The following PAX3 variants were observed in gnomAD, a reference collection of about 807,000 sequenced individuals.
PAX3 encodes the protein paired box 3.
PAX3 carries 14 observed loss-of-function variants against 51.6 expected under a neutral mutation model. That is an observed-to-expected ratio of 0.27 (90% CI 0.18 to 0.42). The LOEUF (loss-of-function observed/expected upper bound fraction) is 0.42. Among genes scored for constraint, PAX3 ranks in the 10% least tolerant of loss-of-function variants. PAX3 has a pLI of 1.00. For synonymous variants in PAX3, 280 were observed against 253.4 expected (o/e 1.11, Z -1.00); for missense variants, 540 against 642.8 (o/e 0.84, Z 1.73).
chr2:222,255,914 C>T (rs891323528), intron 4 of PAX3, among the ~76,000 whole-genome samples: 1 of 92,202 alleles, frequency 1.1e-5, no homozygotes, highest in African/African-American at 4.7e-5. Context: ...CTACGCCCAG[C>T]TAATTTTTTT....
intron 4 of PAX3, among the ~76,000 whole-genome samples, chr2:222,241,540 G>A (rs1265389520): frequency 6.6e-6 from 1 of 152,216 alleles, no homozygotes; most frequent in Non-Finnish European, 1.5e-5. Flanking sequence ...TGGCCCATCT[G>A]TGCTTAACAT....
intron 4 of PAX3, among the ~76,000 whole-genome samples, chr2:222,238,173 A>G (rs78902746): frequency 0.024 from 3,618 of 152,302 alleles, 132 homozygotes; most frequent in African/African-American, 0.077. Context: ...CTTCCTTCAG[A>G]GACAAATCAA....
chr2:222,282,622 A>G (rs977240179), intron 4 of PAX3, among the ~76,000 whole-genome samples: 8 of 152,322 alleles, frequency 5.3e-5, no homozygotes, highest in South Asian at 4.1e-4. Flanking sequence ...AATAATTATA[A>G]TAAGTTGCCT....
At chr2:222,284,502 A>G (rs1052177686) in intron 4 of PAX3, among the ~76,000 whole-genome samples, 78 of 152,310 alleles carry the variant, frequency 5.1e-4, no homozygotes, top group Non-Finnish European at 2.9e-5. Context: ...TTAGAATTTT[A>G]TTTTTTATAC....
At position 222,201,289 on chromosome 2, in the gene PAX3, C is replaced by A; in HGVS notation, c.*119G>T. On this transcript the variant is annotated 3_prime_UTR_variant, in exon 9 of 9. Coordinates refer to ENST00000392070, the MANE Select transcript of PAX3 (RefSeq NM_181458.4). Reference sequence around the variant, plus strand: ...ACTCTCCTTTGTCTCCTATTGGGACCACTGCCCCACCCCCCCCAACAAAAG... The same window carrying A: ...ACTCTCCTTTGTCTCCTATTGGGACAACTGCCCCACCCCCCCCAACAAAAG... 6.2e-7 allele frequency: 1 copy of A among 1,610,274 alleles called. No individual in the cohort carries two copies. The highest frequency in any genetic ancestry group is 8.5e-7 in the Non-Finnish European group (1 of 1,179,868).
chr2:222,296,499 G>A (rs1695302541), intron 2 of PAX3, among the ~76,000 whole-genome samples: 1 of 152,094 alleles, frequency 6.6e-6, no homozygotes, highest in Admixed American at 6.5e-5. Flanking sequence ...GATCACCCTA[G>A]TATTTGACTC....
chr2:222,200,919 A>G lies in PAX3; in HGVS notation c.*489T>C, dbSNP rs1691261511. The G allele has an allele frequency of 3.7e-6, 2 of 536,622 alleles. No individual in the cohort carries two copies. The highest frequency in any genetic ancestry group is 6.6e-5 in the Admixed American group (2 of 30,308). The allele number at this position is 536,622 out of a possible 1,614,324, so 33.2% of individuals were successfully genotyped here. A position where few individuals can be genotyped will look rare whatever the true frequency, so the allele number is the denominator to read the frequency against. ...TCCTCCATTCTTGCTTCATGAAATGAGCAGTTTTAAAGTTGTAGAAGTATC... is the reference window on the plus strand; with the variant it reads ...TCCTCCATTCTTGCTTCATGAAATGGGCAGTTTTAAAGTTGTAGAAGTATC... On this transcript the variant is annotated 3_prime_UTR_variant, in exon 9 of 9. Coordinates refer to ENST00000392070, the MANE Select transcript of PAX3 (RefSeq NM_181458.4).
At chr2:222,266,695 C>T (rs1694066640) in intron 4 of PAX3, among the ~76,000 whole-genome samples, 1 of 152,176 alleles carries the variant, frequency 6.6e-6, no homozygotes, top group South Asian at 2.1e-4. Flanking sequence ...ATCTGCCTGG[C>T]CCTTGAAGGG....
chr2:222,296,934 G>A, intron 2 of PAX3, 44 bp downstream of exon 2: 1 of 1,505,268 alleles, frequency 6.6e-7, no homozygotes, highest in Non-Finnish European at 9.1e-7. Context: ...CCAACACAGG[G>A]GACCACAGTC....
chr2:222,232,394 A>T (rs1275406259), intron 4 of PAX3, 111 bp from the exon 5 acceptor site: 2 of 860,022 alleles, frequency 2.3e-6, no homozygotes, highest in African/African-American at 1.7e-5. Flanking sequence ...TGATCCCTAT[A>T]CCTAAAGTAA....
chr2:222,263,184 T>C (rs1381381206), intron 4 of PAX3: 3 of 152,098 alleles, frequency 2.0e-5, no homozygotes, highest in Admixed American at 6.5e-5. Flanking sequence ...AATGTAGAGA[T>C]TGAGAGAAAA....
At chr2:222,201,923 C>A (rs998446991) in intron 8 of PAX3, 21 bp downstream of exon 8, 1 of 1,614,024 alleles carries the variant, frequency 6.2e-7, no homozygotes, top group Non-Finnish European at 8.5e-7. Context: ...GAAATTGCCC[C>A]CTAAAAAGTC....
chr2:222,201,572 T>G, intron 8 of PAX3, 130 bp from the exon 9 acceptor site: 2 of 1,386,868 alleles, frequency 1.4e-6, no homozygotes, highest in Non-Finnish European at 1.0e-6. Context: ...ATATTTTTAT[T>G]CCTGAGACAA....
intron 5 of PAX3, among the ~76,000 whole-genome samples, chr2:222,222,464 C>T (rs994979226): frequency 8.0e-5 from 12 of 150,036 alleles, no homozygotes; most frequent in African/African-American, 2.5e-4. Flanking sequence ...AGTGCAATGG[C>T]GGGATCTCAG....
At position 222,234,577 on chromosome 2, in the gene PAX3, G is replaced by A. The variant is rs553534471; in HGVS notation, c.587-2294C>T. 5.9e-5 allele frequency among the ~76,000 whole-genome samples: 9 copies of A among 152,274 alleles called. No individual in the cohort carries two copies. The South Asian group carries it at 1.7e-3, about 28-fold the overall frequency. Reference sequence around the variant, plus strand: ...GACCTGGAGGGCTTGGTAAAACATAGACTGATGGATCCCCTTCCATGGTTT... The same window carrying A: ...GACCTGGAGGGCTTGGTAAAACATAAACTGATGGATCCCCTTCCATGGTTT... On this transcript the variant is annotated intron_variant, in intron 4 of 8. Transcript: ENST00000392070.
rs934006026 is a variant in PAX3 at position 222,280,241 on chromosome 2, A to C, written c.586+13926T>G. ...AAAGAAAGAAAGAGAGAGAGGGAGA[A>C]AGAAAGAAAGAGAAAGAAAAGGAAA... On this transcript the variant is annotated intron_variant, in intron 4 of 8. Transcript: ENST00000392070. Among the ~76,000 whole-genome samples the C allele has an allele frequency of 2.0e-5, 3 of 148,438 alleles. No homozygotes were observed. The Admixed American group carries it at 2.0e-4, about 10-fold the overall frequency.
intron 3 of PAX3, among the ~76,000 whole-genome samples, chr2:222,294,574 A>G (rs1286480087): frequency 6.6e-6 from 1 of 151,928 alleles, no homozygotes; most frequent in Non-Finnish European, 1.5e-5. Context: ...GCCGGATGCC[A>G]TCTTTGTCCC....
chr2:222,237,851 G>C (rs1692858488), intron 4 of PAX3, among the ~76,000 whole-genome samples: 2 of 152,106 alleles, frequency 1.3e-5, no homozygotes, highest in Admixed American at 1.3e-4. Flanking sequence ...TATAACAAGA[G>C]CTAAAATGGT....
In PAX3 at chr2:222,220,314, C is replaced by T. The variant is rs913226154; in HGVS notation, c.999G>A (p.Pro333=). 6.8e-6 allele frequency: 11 copies of T among 1,613,834 alleles called. No homozygotes were observed. The highest frequency in any genetic ancestry group is 2.7e-5 in the African/African-American group (2 of 74,864). The change falls in exon 7 of 9, where the codon CCG becomes CCA. Residue 333 remains proline (P), a synonymous_variant. Coordinates refer to ENST00000392070, the MANE Select transcript of PAX3 (RefSeq NM_181458.4). The stretch of plus-strand genomic sequence containing the variant: ...TTTGGTGTACAGTGCTTGGAGGAAG[C>T]GGTTGAGGTCTGTGAACGGTGCTGC... ...DPSSTVHRPQ[P]LPPSTVHQST... is the part of the protein sequence containing the mutation.
Sources: allele counts gnomAD v4.1 joint callset (sites outside exome capture counted in the v4.1 genomes callset), GRCh38; gene constraint gnomAD v4.1.1; transcripts MANE v1.5; gene names NCBI Gene and HGNC (gene_info 2026-07-23, HGNC 2026-07-21).